Variants in ORC3 observed in about 807,000 individuals in gnomAD.
ORC3 encodes origin recognition complex subunit 3, also known as homolog of latheo, Drosophila.
ORC3 carries 78 observed loss-of-function variants against 100.7 expected under a neutral mutation model. The observed-to-expected ratio is 0.77, with a 90% CI of 0.65 to 0.94. ORC3 has a LOEUF of 0.94. Among genes scored for constraint, ORC3 ranks in the 40% least tolerant of loss-of-function variants. The probability of loss-of-function intolerance (pLI) is 0.00; values close to 1 mark genes in which losing one functional copy is unlikely to be tolerated. For missense variants in ORC3, 789 were observed against 823.9 expected (o/e 0.96, Z 0.52); for synonymous variants, 295 against 289.3 (o/e 1.02, Z -0.20).
chr6:87,644,753 G>A (rs949333609), intron 13 of ORC3, among the ~76,000 whole-genome samples: 3 of 152,108 alleles, frequency 2.0e-5, no homozygotes, highest in Admixed American at 2.0e-4. Flanking sequence ...GGAGACTGAG[G>A]TGGGAGAATC....
Position 87,618,774 on chromosome 6 carries a change from GT to G in ORC3, c.987+2358del, listed in dbSNP as rs946121503. Among the ~76,000 whole-genome samples, 115 of 147,852 alleles carry G rather than the reference GT, an allele frequency of 7.8e-4. 1 individual carries two copies. Among genetic ancestry groups the G allele is most frequent in the African/African-American group, 2.4e-3 (99 of 40,492 alleles). ...TAAGTAGGTCATAGGATGTTCTGTT[GT>G]TTTTTTTTTTCTTACTTGACTTGAA... On this transcript the variant is annotated intron_variant, in intron 9 of 19. Transcript: ENST00000392844.
intron 9 of ORC3, among the ~76,000 whole-genome samples, chr6:87,619,675 ATAT>A (rs1469882542): frequency 2.0e-5 from 3 of 152,082 alleles, no homozygotes; most frequent in Admixed American, 2.0e-4. Flanking sequence ...CAAAGTACTG[ATAT>A]TATAGGCGTG....
chr6:87,590,803 C>T (rs992934028), intron 1 of ORC3, among the ~76,000 whole-genome samples: 4 of 151,994 alleles, frequency 2.6e-5, no homozygotes, highest in Non-Finnish European at 5.9e-5. Context: ...AATAAAATGG[C>T]ATATTAGAGG....
chr6:87,615,441 G>A (rs971804133), intron 8 of ORC3, among the ~76,000 whole-genome samples: 3 of 152,158 alleles, frequency 2.0e-5, no homozygotes, highest in African/African-American at 7.2e-5. Flanking sequence ...CTGCCCACTA[G>A]CCACTTACAC....
At chr6:87,638,526 T>A (rs1377071108) in intron 13 of ORC3, among the ~76,000 whole-genome samples, 1 of 152,260 alleles carries the variant, frequency 6.6e-6, no homozygotes, top group Non-Finnish European at 1.5e-5. Flanking sequence ...TGAAATTTTT[T>A]ATAAGAATCA....
intron 13 of ORC3, among the ~76,000 whole-genome samples, chr6:87,643,988 C>T (rs971616352): frequency 2.7e-5 from 4 of 150,616 alleles, no homozygotes; most frequent in Non-Finnish European, 2.9e-5. Context: ...GTGTTCTATA[C>T]GGTCTCTTCT....
downstream of ORC3, among the ~76,000 whole-genome samples, chr6:87,667,634 GAA>G (rs1359517821): frequency 1.5e-5 from 2 of 137,884 alleles, no homozygotes. Context: ...CAACTTTAAA[GAA>G]AAAAAAAAAA....
At chr6:87,610,149 G>A (rs1778635729) in intron 7 of ORC3, among the ~76,000 whole-genome samples, 1 of 152,106 alleles carries the variant, frequency 6.6e-6, no homozygotes, top group African/African-American at 2.4e-5. Flanking sequence ...TGTTTTAATA[G>A]TTATAGCTAC....
intron 2 of ORC3, among the ~76,000 whole-genome samples, chr6:87,600,671 T>C (rs1777828429): frequency 6.6e-6 from 1 of 152,166 alleles, no homozygotes; most frequent in Non-Finnish European, 1.5e-5. Flanking sequence ...GTTCAAAGTA[T>C]ATATAAGTAT....
At chr6:87,651,219 G>C (rs1330278588) in intron 13 of ORC3, 2 of 456,086 alleles carry the variant, frequency 4.4e-6, no homozygotes, top group Middle Eastern at 3.2e-4. Flanking sequence ...AGCTCAAAGT[G>C]GACAAGAGCT....
In ORC3 at chr6:87,609,165, G is replaced by T. The variant is rs2307389; in HGVS notation, c.649G>T (p.Val217Phe). ...CCAATGGCAGTCTCCTCCTGTTGTC[G>T]TTATCTTGAAGGATATGGAAAGCTT... ...SSQWQSPPVV[V>F]ILKDMESFAT... Residue 217 changes from valine to phenylalanine, a missense_variant, in exon 7 of 20, where the codon GTT becomes TTT. Coordinates refer to ENST00000392844, the MANE Select transcript of ORC3 (RefSeq NM_012381.4). 1 of 1,610,078 alleles carries T rather than the reference G, an allele frequency of 6.2e-7. No individual in the cohort carries two copies. Among genetic ancestry groups the T allele is most frequent in the South Asian group, 1.1e-5 (1 of 90,304 alleles).
intron 18 of ORC3, 55 bp from the exon 19 acceptor site, chr6:87,665,699 A>G: frequency 1.0e-6 from 1 of 994,876 alleles, no homozygotes; most frequent in Non-Finnish European, 1.6e-6. Flanking sequence ...GTATAGTAAA[A>G]GATGTTTGGC....
intron 4 of ORC3, among the ~76,000 whole-genome samples, chr6:87,604,802 T>C (rs1206118276): frequency 6.6e-6 from 1 of 152,198 alleles, no homozygotes; most frequent in Non-Finnish European, 1.5e-5. Context: ...ATTTTCAATA[T>C]CCATTTAAAA....
In ORC3 at chr6:87,601,188, A is replaced by G. The variant is rs1351006614; in HGVS notation, c.80-596A>G. Among the ~76,000 whole-genome samples the G allele has an allele frequency of 2.0e-5, 3 of 152,234 alleles. No individual in the cohort carries two copies. In the East Asian group the frequency reaches 5.8e-4, roughly 29 times the overall value. On this transcript the variant is annotated intron_variant, in intron 2 of 19. Transcript: ENST00000392844. ...ATAATGAAAACATTATTAAATGTATATAACTCAAAAAAGCCACTTAATAAA... is the reference window on the plus strand; with the variant it reads ...ATAATGAAAACATTATTAAATGTATGTAACTCAAAAAAGCCACTTAATAAA...
chr6:87,672,383 T>C (rs1364815621), downstream of ORC3, among the ~76,000 whole-genome samples: 7 of 152,166 alleles, frequency 4.6e-5, no homozygotes, highest in Non-Finnish European at 7.3e-5. Context: ...AGAAAATAGA[T>C]GCAGTAGAGA....
chr6:87,649,708 T>G (rs1583143152), intron 13 of ORC3, among the ~76,000 whole-genome samples: 1 of 152,124 alleles, frequency 6.6e-6, no homozygotes, highest in East Asian at 1.9e-4. Context: ...ATTGCACCAT[T>G]GCACTCCAGC....
At chr6:87,596,916 C>T (rs549192304) in intron 2 of ORC3, among the ~76,000 whole-genome samples, 23 of 152,242 alleles carry the variant, frequency 1.5e-4, no homozygotes, top group East Asian at 1.9e-4. Flanking sequence ...AAGTACCCTA[C>T]GACCAGTTAT....
At chr6:87,657,797 T>C in intron 15 of ORC3, 124 bp from the exon 16 acceptor site, 1 of 520,532 alleles carries the variant, frequency 1.9e-6, no homozygotes, top group South Asian at 3.8e-5. Flanking sequence ...ATTTTGATCT[T>C]TCTCTGTACA....
intron 5 of ORC3, 55 bp downstream of exon 5, chr6:87,606,076 C>A: frequency 1.0e-6 from 1 of 966,890 alleles, no homozygotes; most frequent in Non-Finnish European, 1.7e-6. Flanking sequence ...CTTCTTTCAT[C>A]CTTTTCTCTC....
Sources: gnomAD v4.1 joint callset for allele counts (sites outside exome capture counted in the v4.1 genomes callset) on GRCh38, gnomAD v4.1.1 for gene constraint, MANE v1.5 for transcripts, NCBI Gene and HGNC (gene_info 2026-07-23, HGNC 2026-07-21) for gene names.